CCDC170: variants seen among roughly 807,000 people sequenced by gnomAD.
CCDC170 encodes the protein coiled-coil domain-containing protein 170.
Under a neutral mutation model 72.6 loss-of-function variants are expected in CCDC170, and 69 were observed. That is an observed-to-expected ratio of 0.95 (90% confidence interval 0.78 to 1.16). CCDC170 has a LOEUF of 1.16. Ranked by LOEUF, CCDC170 falls within the 50% of genes most tolerant of loss-of-function variation. The probability of loss-of-function intolerance (pLI) is 0.00; values close to 1 mark genes in which losing one functional copy is unlikely to be tolerated. For missense variants in CCDC170, 852 were observed against 832.5 expected (o/e 1.02, Z -0.29); for synonymous variants, 300 against 303.9 (o/e 0.99, Z 0.13).
chr6:151,563,312 G>A (rs1045377733), intron 5 of CCDC170, among the ~76,000 whole-genome samples: 3 of 152,196 alleles, frequency 2.0e-5, no homozygotes, highest in Non-Finnish European at 4.4e-5. Context: ...GTGGGGTGGA[G>A]ATGACCGCTC....
chr6:151,518,449 C>T lies in CCDC170; in HGVS notation c.58-17869C>T, dbSNP rs150753645. Among the ~76,000 whole-genome samples the T allele has an allele frequency of 3.3e-5, 5 of 152,170 alleles. No individual in the cohort carries two copies. In the East Asian group the frequency reaches 9.7e-4, roughly 29 times the overall value. On this transcript the variant is annotated intron_variant, in intron 1 of 10. Coordinates refer to ENST00000239374, the MANE Select transcript of CCDC170 (RefSeq NM_025059.4). The stretch of plus-strand genomic sequence containing the variant: ...CCAGGAAGGAGTCCCAATCCAGACC[C>T]CCAAGAGAGGGTTCTTGGATCTTGT...
At chr6:151,562,852 T>G (rs1310216220) in intron 5 of CCDC170, among the ~76,000 whole-genome samples, 1 of 152,084 alleles carries the variant, frequency 6.6e-6, no homozygotes, top group Non-Finnish European at 1.5e-5. Flanking sequence ...GGTGTAGGTG[T>G]GCTGAGGCCT....
chr6:151,503,697 CCTG>C (rs573406446), intron 1 of CCDC170, among the ~76,000 whole-genome samples: 271 of 152,246 alleles, frequency 1.8e-3, no homozygotes, highest in African/African-American at 6.2e-3. Context: ...AGGTGATCCA[CCTG>C]CCCCAGCCTC....
intron 1 of CCDC170, among the ~76,000 whole-genome samples, chr6:151,526,463 G>C (rs373388290): frequency 3.3e-5 from 5 of 149,994 alleles, no homozygotes; most frequent in African/African-American, 2.5e-5. Context: ...CTAGTGATCC[G>C]CTTGCCTTGG....
At chr6:151,530,770 C>T (rs552940436) in intron 1 of CCDC170, among the ~76,000 whole-genome samples, 1 of 152,002 alleles carries the variant, frequency 6.6e-6, no homozygotes, top group African/African-American at 2.4e-5. Flanking sequence ...TAAAATGTTG[C>T]TAGTTTTAAA....
chr6:151,573,423 G>A lies in CCDC170; in HGVS notation c.1024G>A (p.Gly342Arg), dbSNP rs1776257937. Residue 342 changes from glycine to arginine, a missense_variant, in exon 6 of 11, where the codon GGG becomes AGG. By Grantham distance (125) the Gly-to-Arg change is moderately radical (BLOSUM62 -2). Coordinates refer to ENST00000239374, the MANE Select transcript of CCDC170 (RefSeq NM_025059.4). Reference protein sequence around the residue: ...ALLRGRLSMTGSTEDTILEKI... With the variant: ...ALLRGRLSMTRSTEDTILEKI... ...CCTTAGGGGCAGATTGAGCATGACTGGGTCCACTGAGGACACCATTTTGGA... is the reference window on the plus strand; with the variant it reads ...CCTTAGGGGCAGATTGAGCATGACTAGGTCCACTGAGGACACCATTTTGGA... 1 of 1,613,986 alleles carries A rather than the reference G, an allele frequency of 6.2e-7. No homozygotes were observed. The highest frequency in any genetic ancestry group is 1.7e-5 in the Admixed American group (1 of 60,002).
At chr6:151,581,870 T>C (rs1776383085) in intron 6 of CCDC170, among the ~76,000 whole-genome samples, 1 of 152,226 alleles carries the variant, frequency 6.6e-6, no homozygotes, top group African/African-American at 2.4e-5. Context: ...TGAGCAGTAA[T>C]ATTTTGAAAG....
At chr6:151,542,086 G>T (rs1782700828) in intron 3 of CCDC170, among the ~76,000 whole-genome samples, 2 of 151,764 alleles carry the variant, frequency 1.3e-5, no homozygotes, top group Admixed American at 1.3e-4. Context: ...TGCCATGTTG[G>T]CCAGACTGGT....
At chr6:151,552,276 G>A (rs113365696) in intron 5 of CCDC170, among the ~76,000 whole-genome samples, 112 of 150,888 alleles carry the variant, frequency 7.4e-4, no homozygotes, top group African/African-American at 2.5e-3. Context: ...TGCTGGTGAC[G>A]ATAAGTTTGA....
intron 9 of CCDC170, among the ~76,000 whole-genome samples, chr6:151,611,207 G>A (rs1010453891): frequency 4.6e-5 from 7 of 152,078 alleles, no homozygotes; most frequent in Non-Finnish European, 5.9e-5. Context: ...CCCGGGAGGC[G>A]GAGGTTGCAG....
chr6:151,530,764 A>T lies in CCDC170; in HGVS notation c.58-5554A>T, dbSNP rs183233401. Among the ~76,000 whole-genome samples the T allele has an allele frequency of 7.9e-5, 12 of 152,260 alleles. No homozygotes were observed. The East Asian group carries it at 2.3e-3, about 29-fold the overall frequency. On this transcript the variant is annotated intron_variant, in intron 1 of 10. Transcript: ENST00000239374. ...TGCTTAATTATTAAATATATTTAAA[A>T]TGTTGCTAGTTTTAAAGATCAGAAA...
In CCDC170 at chr6:151,538,332, A is replaced by C. The variant is rs200064597; in HGVS notation, c.443+31A>C. 2.8e-4 allele frequency: 444 copies of C among 1,587,090 alleles called. 1 individual carries two copies. The African/African-American group carries it at 3.4e-3, about 12-fold the overall frequency. ...GATACTGCAATATATTTTTCGCTTT[A>C]GCTAGCATTAAAATACTAGCTTCTG... On this transcript the variant is annotated intron_variant, in intron 3 of 10. Coordinates refer to ENST00000239374, the MANE Select transcript of CCDC170 (RefSeq NM_025059.4).
chr6:151,620,559 AG>A lies in CCDC170; in HGVS notation c.*2414del, dbSNP rs767416082. 3.9e-5 allele frequency: 6 copies of A among 152,194 alleles called. No individual in the cohort carries two copies. The highest frequency in any genetic ancestry group is 5.9e-5 in the Non-Finnish European group (4 of 68,080). 9.4% of individuals were successfully genotyped at this position (152,194 alleles called of 1,614,324 possible). On this transcript the variant is annotated 3_prime_UTR_variant, in exon 11 of 11. Coordinates refer to ENST00000239374, the MANE Select transcript of CCDC170 (RefSeq NM_025059.4). ...TTGGATCGAAAATCACCTTGAGTGG[AG>A]GAAGTGACTTCACTGGGTCTCTGGA...
At chr6:151,522,887 T>C (rs1782344116) in intron 1 of CCDC170, among the ~76,000 whole-genome samples, 1 of 152,218 alleles carries the variant, frequency 6.6e-6, no homozygotes, top group South Asian at 2.1e-4. Context: ...CCCTGCTCTA[T>C]CTGCTGTCTA....
intron 5 of CCDC170, among the ~76,000 whole-genome samples, chr6:151,571,463 C>T (rs1314819058): frequency 6.6e-6 from 1 of 152,152 alleles, no homozygotes; most frequent in Non-Finnish European, 1.5e-5. Flanking sequence ...TAAAGATGCT[C>T]ATGCCTGTAA....
At chr6:151,531,118 G>GT (rs1173416995) in intron 1 of CCDC170, among the ~76,000 whole-genome samples, 4 of 152,044 alleles carry the variant, frequency 2.6e-5, no homozygotes, top group African/African-American at 7.2e-5. Flanking sequence ...TGTTTGTGTT[G>GT]TTCCTCCAAT....
chr6:151,548,125 A>G (rs1319105074), intron 4 of CCDC170, among the ~76,000 whole-genome samples, 179 bp from the exon 5 acceptor site: 1 of 152,054 alleles, frequency 6.6e-6, no homozygotes, highest in Non-Finnish European at 1.5e-5. Context: ...TTTGAATTTG[A>G]CCCCCAGGTC....
chr6:151,534,744 G>C (rs1782549991), intron 1 of CCDC170, among the ~76,000 whole-genome samples: 1 of 152,180 alleles, frequency 6.6e-6, no homozygotes, highest in South Asian at 2.1e-4. Context: ...GAATCACACT[G>C]GTCATGACGC....
chr6:151,494,491 GCAAA>G (rs1427566431), intron 1 of CCDC170, among the ~76,000 whole-genome samples: 2 of 152,212 alleles, frequency 1.3e-5, no homozygotes, highest in South Asian at 4.1e-4. Context: ...ACCCCTGGGA[GCAAA>G]GAATTCCTTC....
Sources: gnomAD v4.1 joint callset for allele counts (sites outside exome capture counted in the v4.1 genomes callset) on GRCh38, gnomAD v4.1.1 for gene constraint, MANE v1.5 for transcripts, NCBI Gene and HGNC (gene_info 2026-07-23, HGNC 2026-07-21) for gene names.